The following DPF3 variants were observed in gnomAD, a reference collection of about 807,000 sequenced individuals.
The protein encoded by DPF3 is zinc finger protein DPF3.
In DPF3, 18 loss-of-function variants were observed where a neutral mutation model predicts 56.8. The observed-to-expected ratio is 0.32, with a 90% CI of 0.22 to 0.47. The LOEUF (loss-of-function observed/expected upper bound fraction) is 0.47. Among genes scored for constraint, DPF3 ranks in the 20% least tolerant of loss-of-function variants. The pLI, the probability that DPF3 is intolerant of heterozygous loss-of-function variation, is 1.00. For synonymous variants in DPF3, 188 were observed against 180.2 expected (o/e 1.04, Z -0.35); for missense variants, 403 against 488.8 (o/e 0.82, Z 1.65).
At chr14:72,632,044 T>A (rs959021728) in intron 8 of DPF3, among the ~76,000 whole-genome samples, 3 of 152,134 alleles carry the variant, frequency 2.0e-5, no homozygotes, top group East Asian at 3.8e-4. Flanking sequence ...AGCAGAGGCT[T>A]GATGAGCAAA....
chr14:72,868,053 A>G (rs935140672), intron 1 of DPF3, among the ~76,000 whole-genome samples: 4 of 152,204 alleles, frequency 2.6e-5, no homozygotes, highest in African/African-American at 7.2e-5. Flanking sequence ...TGAGAATAAC[A>G]GCAATAAACT....
chr14:72,862,196 A>T (rs1599504403), intron 1 of DPF3, among the ~76,000 whole-genome samples: 1 of 152,142 alleles, frequency 6.6e-6, no homozygotes, highest in East Asian at 1.9e-4. Context: ...CCCACTGGAC[A>T]GTTCCCTAAC....
At chr14:72,780,538 C>G (rs1220330042) in intron 1 of DPF3, among the ~76,000 whole-genome samples, 2 of 152,168 alleles carry the variant, frequency 1.3e-5, no homozygotes, top group Non-Finnish European at 2.9e-5. Flanking sequence ...TTGAGAGGTG[C>G]TTGGAACGTT....
rs1301140406 is a variant in DPF3 at position 72,804,912 on chromosome 14, TA to T, written c.33-33020del. The stretch of plus-strand genomic sequence containing the variant: ...CCACTAACTAGCTGTTTCCTTGATT[TA>T]TTCAAGAGGTATGTGTTCCCTATCT... On this transcript the variant is annotated intron_variant, in intron 1 of 10. Coordinates refer to ENST00000556509, the MANE Select transcript of DPF3 (RefSeq NM_001280542.3). Among the ~76,000 whole-genome samples, 5 of 152,326 alleles carry T rather than the reference TA, an allele frequency of 3.3e-5. No homozygotes were observed. The East Asian group carries it at 9.6e-4, about 29-fold the overall frequency.
chr14:72,636,902 C>T (rs1452403271), intron 8 of DPF3, among the ~76,000 whole-genome samples: 1 of 152,186 alleles, frequency 6.6e-6, no homozygotes, highest in Non-Finnish European at 1.5e-5. Context: ...AACAAAAATG[C>T]ATTAAAAATA....
intron 8 of DPF3, 181 bp downstream of exon 8, chr14:72,674,059 A>G: frequency 7.5e-6 from 7 of 928,446 alleles, no homozygotes; most frequent in Non-Finnish European, 1.1e-5. Context: ...CTAGGGCATA[A>G]CTTTTGGTTC....
intron 2 of DPF3, among the ~76,000 whole-genome samples, chr14:72,757,289 A>C (rs1462636923): frequency 6.6e-6 from 1 of 152,116 alleles, no homozygotes; most frequent in Non-Finnish European, 1.5e-5. Context: ...CTGCCCCTGA[A>C]ACTTCCTTTC....
intron 8 of DPF3, among the ~76,000 whole-genome samples, chr14:72,650,675 G>T (rs1021800838): frequency 6.6e-6 from 1 of 152,200 alleles, no homozygotes; most frequent in Non-Finnish European, 1.5e-5. Flanking sequence ...CCACACAGAT[G>T]CCCCCTCTAA....
intron 2 of DPF3, among the ~76,000 whole-genome samples, chr14:72,755,321 C>G (rs975592546): frequency 1.4e-4 from 21 of 152,142 alleles, no homozygotes; most frequent in Admixed American, 5.2e-4. Flanking sequence ...ACCAGAGAAG[C>G]CCCAGGCCAC....
At chr14:72,861,788 A>AAAGAAAGAAAGAAAGAAAGC (rs1567261293) in intron 1 of DPF3, among the ~76,000 whole-genome samples, 20 of 151,250 alleles carry the variant, frequency 1.3e-4, no homozygotes, top group Admixed American at 1.1e-3. Flanking sequence ...AGAAAGAAAG[A>AAAGAAAGAAAGAAAGAAAGC]AAGAAAGAAA....
intron 5 of DPF3, among the ~76,000 whole-genome samples, chr14:72,718,791 G>A (rs1172067286): frequency 1.1e-3 from 1 of 932 alleles, no homozygotes. Context: ...TTTTTGAGAC[G>A]GAGTCACTCT....
intron 5 of DPF3, among the ~76,000 whole-genome samples, chr14:72,717,404 G>A (rs578153062): frequency 6.6e-6 from 1 of 152,290 alleles, no homozygotes; most frequent in South Asian, 2.1e-4. Flanking sequence ...ACAGGGGACA[G>A]CACTAAGTCC....
At chr14:72,743,771 C>A (rs1038970503) in intron 3 of DPF3, among the ~76,000 whole-genome samples, 1 of 152,222 alleles carries the variant, frequency 6.6e-6, no homozygotes, top group African/African-American at 2.4e-5. Flanking sequence ...GGACAGAGCC[C>A]TTTTCCTGGG....
chr14:72,680,516 G>A (rs982236540), intron 7 of DPF3, among the ~76,000 whole-genome samples: 2 of 152,230 alleles, frequency 1.3e-5, no homozygotes, highest in African/African-American at 2.4e-5. Flanking sequence ...CAGAGAACTC[G>A]CTCTCCCCAC....
At chr14:72,675,208 C>G (rs1050222015) in intron 7 of DPF3, among the ~76,000 whole-genome samples, 1 of 152,212 alleles carries the variant, frequency 6.6e-6, no homozygotes, top group African/African-American at 2.4e-5. Context: ...ACTTTGAAAA[C>G]AAAGCCTGTG....
chr14:72,850,513 A>G (rs987481284), intron 1 of DPF3, among the ~76,000 whole-genome samples: 1 of 152,184 alleles, frequency 6.6e-6, no homozygotes, highest in African/African-American at 2.4e-5. Context: ...ATCATTAGAC[A>G]ATATTTATCC....
chr14:72,640,598 G>A (rs1465576566), intron 8 of DPF3, among the ~76,000 whole-genome samples: 2 of 152,228 alleles, frequency 1.3e-5, no homozygotes, highest in African/African-American at 2.4e-5. Context: ...TCAATAGGAC[G>A]TGATACCTGC....
chr14:72,648,671 C>T (rs996582688), intron 8 of DPF3, among the ~76,000 whole-genome samples: 4 of 152,068 alleles, frequency 2.6e-5, no homozygotes, highest in African/African-American at 7.2e-5. Flanking sequence ...CTCCTATTAC[C>T]GGGAATGAAC....
chr14:72,819,684 C>T (rs945548353), intron 1 of DPF3, among the ~76,000 whole-genome samples: 2 of 152,018 alleles, frequency 1.3e-5, no homozygotes, highest in Admixed American at 6.6e-5. Context: ...ATCTATAATC[C>T]CAGCACTTTG....
Sources: allele counts gnomAD v4.1 joint callset (sites outside exome capture counted in the v4.1 genomes callset), GRCh38; gene constraint gnomAD v4.1.1; transcripts MANE v1.5; gene names NCBI Gene and HGNC (gene_info 2026-07-23, HGNC 2026-07-21).